The following KLHL7 variants were observed in gnomAD, a reference collection of about 807,000 sequenced individuals.
The protein encoded by KLHL7 is kelch-like protein 7.
KLHL7 carries 44 observed loss-of-function variants against 67.4 expected under a neutral mutation model. That is an observed-to-expected ratio of 0.65 (90% CI 0.51 to 0.84). The LOEUF (loss-of-function observed/expected upper bound fraction) is 0.84. KLHL7 is among the 40% of genes least tolerant of loss of function. The pLI is 0.00. For missense variants in KLHL7, 362 were observed against 718.1 expected (o/e 0.50, Z 5.67); for synonymous variants, 252 against 243.3 (o/e 1.04, Z -0.33).
chr7:23,110,551 C>T (rs545438014), intron 1 of KLHL7, among the ~76,000 whole-genome samples: 24 of 152,168 alleles, frequency 1.6e-4, no homozygotes, highest in African/African-American at 5.3e-4. Flanking sequence ...CCTCTAAATA[C>T]TTCTCTCCCC....
intron 6 of KLHL7, among the ~76,000 whole-genome samples, chr7:23,144,381 C>T (rs1311333361): frequency 6.6e-6 from 1 of 151,868 alleles, no homozygotes; most frequent in Non-Finnish European, 1.5e-5. Flanking sequence ...CTTTTTTGGC[C>T]CAGAGATAAA....
intron 1 of KLHL7, among the ~76,000 whole-genome samples, chr7:23,111,155 A>G (rs951561152): frequency 6.6e-6 from 1 of 152,160 alleles, no homozygotes; most frequent in Non-Finnish European, 1.5e-5. Context: ...ATGGGTGGGT[A>G]ATTTGACCAT....
At chr7:23,134,082 G>T (rs1783891667) in intron 4 of KLHL7, among the ~76,000 whole-genome samples, 1 of 152,050 alleles carries the variant, frequency 6.6e-6, no homozygotes, top group Non-Finnish European at 1.5e-5. Context: ...TACTAGCTAT[G>T]GGTCTGTTGT....
At chr7:23,142,051 T>TG (rs1784205070) in intron 5 of KLHL7, among the ~76,000 whole-genome samples, 1 of 152,064 alleles carries the variant, frequency 6.6e-6, no homozygotes, top group African/African-American at 2.4e-5. Context: ...CTCAAGTAGC[T>TG]GGGATTATAG....
intron 6 of KLHL7, among the ~76,000 whole-genome samples, chr7:23,148,008 C>G (rs137867136): frequency 1.3e-5 from 2 of 152,304 alleles, no homozygotes; most frequent in African/African-American, 4.8e-5. Context: ...TTATCTTGAG[C>G]AGATCCAAGA....
chr7:23,121,948 CT>C (rs1562556984), intron 1 of KLHL7, among the ~76,000 whole-genome samples: 1 of 152,110 alleles, frequency 6.6e-6, no homozygotes, highest in Non-Finnish European at 1.5e-5. Flanking sequence ...TCCCAAGGTG[CT>C]GGGATTACAG....
chr7:23,167,714 G>A (rs1785043180), intron 8 of KLHL7, 122 bp from the exon 9 acceptor site: 1 of 779,510 alleles, frequency 1.3e-6, no homozygotes, highest in Non-Finnish European at 2.2e-6. Context: ...TGTTGATTGA[G>A]TATGAAAATG....
At chr7:23,131,733 CTTTT>C (rs59719158) in intron 4 of KLHL7, among the ~76,000 whole-genome samples, 15 of 125,212 alleles carry the variant, frequency 1.2e-4, no homozygotes, top group East Asian at 2.3e-4. Context: ...CTTATTTATT[CTTTT>C]TTTTTTTTTT....
At chr7:23,163,636 A>T (rs2128469183) in intron 7 of KLHL7, among the ~76,000 whole-genome samples, 1 of 152,334 alleles carries the variant, frequency 6.6e-6, no homozygotes, top group East Asian at 1.9e-4. Flanking sequence ...AGCAGTCTTG[A>T]GCTTAGAAAA....
Position 23,172,992 on chromosome 7 carries a change from GGCTGGTATTTGTAAAA to G in KLHL7, c.1426_1441del (p.Leu476ThrfsTer12). The G allele has an allele frequency of 1.9e-6, 3 of 1,613,862 alleles. No individual in the cohort carries two copies. Among genetic ancestry groups the G allele is most frequent in the Non-Finnish European group, 2.5e-6 (3 of 1,179,854 alleles). ...ATGATTGAAGCCAGGAAGAATCATG[GGCTGGTATTTGTAAAA>G]GACAAGATATTTGCTGTGGGTGGTC... is the stretch of plus-strand genomic sequence containing the variant. On this transcript the variant is annotated frameshift_variant, in exon 10 of 11. Transcript: ENST00000339077. LOFTEE classifies it high-confidence loss of function.
intron 4 of KLHL7, 198 bp from the exon 5 acceptor site, chr7:23,140,564 AAAAAAAC>A (rs1784143602): frequency 3.3e-6 from 2 of 598,244 alleles, no homozygotes; most frequent in South Asian, 1.7e-5. Context: ...CTCAAAAAAC[AAAAAAAC>A]AAAAAACAAA....
intron 9 of KLHL7, among the ~76,000 whole-genome samples, chr7:23,169,541 C>T (rs1583736141): frequency 6.6e-6 from 1 of 152,160 alleles, no homozygotes; most frequent in Admixed American, 6.5e-5. Flanking sequence ...ATTCATTCTG[C>T]TAATTATTTT....
intron 4 of KLHL7, among the ~76,000 whole-genome samples, chr7:23,138,461 TAAAAAAAAAA>T (rs60497553): frequency 4.7e-5 from 3 of 63,250 alleles, no homozygotes. Context: ...GACTCCATCT[TAAAAAAAAAA>T]AAAAAAAAAA....
chr7:23,174,031 G>A lies in KLHL7; in HGVS notation c.1494G>A (p.Val498=). ...CTTTTGAAGGTGGTCTGGACAATGT[G>A]GAATATTACGATATTAAGTTGAACG... The part of the protein sequence containing the change: ...GQNGLGGLDN[V]EYYDIKLNEW... Residue 498 remains valine (V), a synonymous_variant, in exon 11 of 11, where the codon GTG becomes GTA. Transcript: ENST00000339077. The A allele has an allele frequency of 2.5e-6, 4 of 1,614,060 alleles. No homozygotes were observed. Among genetic ancestry groups the A allele is most frequent in the Middle Eastern group, 1.6e-4 (1 of 6,062 alleles).
chr7:23,135,788 A>G (rs1210467225), intron 4 of KLHL7, among the ~76,000 whole-genome samples: 4 of 152,240 alleles, frequency 2.6e-5, no homozygotes, highest in Admixed American at 2.6e-4. Flanking sequence ...TTAAAACAGT[A>G]AAAAAGAAAG....
At chr7:23,146,581 G>A (rs1342007979) in intron 6 of KLHL7, among the ~76,000 whole-genome samples, 2 of 151,748 alleles carry the variant, frequency 1.3e-5, no homozygotes, top group African/African-American at 4.8e-5. Flanking sequence ...GGTCTTCCCT[G>A]TTCCAAGGAG....
At chr7:23,157,918 G>T (rs1345927097) in intron 7 of KLHL7, among the ~76,000 whole-genome samples, 1 of 152,206 alleles carries the variant, frequency 6.6e-6, no homozygotes, top group Admixed American at 6.5e-5. Flanking sequence ...ATTGAAGGCT[G>T]TAAATGGGAA....
At chr7:23,142,368 C>T (rs761818769) in intron 5 of KLHL7, among the ~76,000 whole-genome samples, 3 of 152,084 alleles carry the variant, frequency 2.0e-5, no homozygotes, top group African/African-American at 7.3e-5. Flanking sequence ...CAAAAATTTG[C>T]ACTTAGCAAT....
At chr7:23,122,421 C>A (rs898440786) in intron 1 of KLHL7, among the ~76,000 whole-genome samples, 1 of 151,962 alleles carries the variant, frequency 6.6e-6, no homozygotes, top group Admixed American at 6.6e-5. Flanking sequence ...TTGGTGGTAA[C>A]CAAATAGTTA....
Sources: allele counts gnomAD v4.1 joint callset (sites outside exome capture counted in the v4.1 genomes callset), GRCh38; gene constraint gnomAD v4.1.1; transcripts MANE v1.5; gene names NCBI Gene and HGNC (gene_info 2026-07-23, HGNC 2026-07-21).